GLB1: variants seen among roughly 807,000 people sequenced by gnomAD.
The protein encoded by GLB1 is beta-galactosidase.
In GLB1, 56 loss-of-function variants were observed where a neutral mutation model predicts 74.0. The ratio of observed to expected loss-of-function variants is 0.76; its 90% confidence interval spans 0.61 to 0.94. The LOEUF (loss-of-function observed/expected upper bound fraction) is 0.94. Among genes scored for constraint, GLB1 ranks in the 40% least tolerant of loss-of-function variants. The pLI, the probability that GLB1 is intolerant of heterozygous loss-of-function variation, is 0.00. For missense variants in GLB1, 787 were observed against 845.5 expected, an observed-to-expected ratio of 0.93 and a Z score of 0.86; for synonymous variants, 323 against 323.6, an observed-to-expected ratio of 1.00 and a Z score of 0.02.
chr3:32,978,659 T>C, the GLB1 span, among the ~76,000 whole-genome samples: 2 of 151,872 alleles, frequency 1.3e-5, no homozygotes, highest in African/African-American at 4.8e-5. Flanking sequence ...ATGTGATAGA[T>C]CTGAGATGGT....
intron 15 of GLB1, among the ~76,000 whole-genome samples, chr3:33,009,168 G>GT (rs1427284839): frequency 8.3e-6 from 1 of 119,772 alleles, no homozygotes; most frequent in Non-Finnish European, 1.8e-5. Flanking sequence ...AAAGATTGTG[G>GT]TAAGGCCTAG....
chr3:33,091,635 A>G (rs1255272500), intron 1 of GLB1: 1 of 984,134 alleles, frequency 1.0e-6, no homozygotes, highest in East Asian at 1.1e-4. Context: ...ATCTTGAGGT[A>G]GATACGATAA....
chr3:33,039,887 C>A (rs1698432525), intron 10 of GLB1, among the ~76,000 whole-genome samples: 3 of 152,064 alleles, frequency 2.0e-5, no homozygotes, highest in Admixed American at 2.0e-4. Context: ...GAAAAAAAGA[C>A]CTATACCATC....
At chr3:32,999,517 C>A (rs540398248) in intron 15 of GLB1, among the ~76,000 whole-genome samples, 1 of 152,294 alleles carries the variant, frequency 6.6e-6, no homozygotes, top group Admixed American at 6.5e-5. Flanking sequence ...ATTTCATAAG[C>A]ATCCAAGAGA....
chr3:33,077,480 G>T (rs1351724884), intron 1 of GLB1: 3 of 709,138 alleles, frequency 4.2e-6, no homozygotes, highest in African/African-American at 1.8e-5. Flanking sequence ...GCAGTCAGGG[G>T]GTGTCTACTA....
the GLB1 span, among the ~76,000 whole-genome samples, chr3:32,990,866 C>T: frequency 1.2e-4 from 19 of 152,066 alleles, 1 homozygote; most frequent in African/African-American, 2.7e-4. Flanking sequence ...CCCAGCTACT[C>T]GGGAGGCTGA....
rs36181668 is a variant in GLB1, at chr3:33,064,776, C to CAAAAAAAAAAAA, written c.552+675_552+686dup. ...TGGGCAACGGAATGAGACTCTCTCTCAAAAAAAAAAAAAAAAAAAAAAGAG... is the reference window on the plus strand; with the variant it reads ...TGGGCAACGGAATGAGACTCTCTCTCAAAAAAAAAAAAAAAAAAAAAAAAAAAAAAAAAAGAG... On this transcript the variant is annotated intron_variant, in intron 5 of 15. Coordinates refer to ENST00000307363, the MANE Select transcript of GLB1 (RefSeq NM_000404.4). Among the ~76,000 whole-genome samples the CAAAAAAAAAAAA allele has an allele frequency of 2.2e-4, 14 of 64,548 alleles. 2 individuals are homozygous for CAAAAAAAAAAAA. The highest frequency in any genetic ancestry group is 3.3e-4 in the Non-Finnish European group (12 of 36,776). The allele number at this position is 64,548 out of a possible 152,430, so 42.3% of individuals were successfully genotyped here.
rs77988381 is a variant in GLB1 at position 33,097,055 on chromosome 3, G to C, written c.31C>G (p.Leu11Val). The change falls in exon 1 of 16, where the codon CTG becomes GTG. Residue 11 changes from leucine (L) to valine (V), a missense_variant. By Grantham distance (32) the Leu-to-Val change is conservative. Coordinates refer to ENST00000307363, the MANE Select transcript of GLB1 (RefSeq NM_000404.4). ...CCCAGAAGCAGCAGAACCAGCAACA[G>C]AGGGAGGATGCGAACCAGGAACCCC... MPGFLVRILP[L>V]LLVLLLLGPT... The C allele has an allele frequency of 2.4e-4, 391 of 1,612,036 alleles. 2 individuals carry two copies. In the African/African-American group the frequency reaches 4.8e-3, roughly 20 times the overall value.
intron 1 of GLB1, among the ~76,000 whole-genome samples, chr3:33,074,411 T>A (rs556176269): frequency 7.0e-4 from 32 of 45,862 alleles, no homozygotes; most frequent in Non-Finnish European, 1.1e-3. Context: ...AAAGAAAGAA[T>A]ATTACACATA....
At chr3:32,962,812 T>C in the GLB1 span, among the ~76,000 whole-genome samples, 1 of 151,862 alleles carries the variant, frequency 6.6e-6, no homozygotes, top group Non-Finnish European at 1.5e-5. Context: ...ATTCCAGCAC[T>C]AGGCCAGAAA....
At chr3:33,059,846 A>G (rs1378977351) in intron 5 of GLB1, among the ~76,000 whole-genome samples, 4 of 152,376 alleles carry the variant, frequency 2.6e-5, no homozygotes, top group South Asian at 4.1e-4. Context: ...TAACATGCAC[A>G]TAATACAAAA....
intron 3 of GLB1, 151 bp downstream of exon 3, chr3:33,068,669 G>A (rs1699782836): frequency 6.9e-7 from 1 of 1,455,616 alleles, no homozygotes; most frequent in Non-Finnish European, 9.3e-7. Flanking sequence ...TCTCTGCCTG[G>A]GCACCTTGTC....
At chr3:33,049,232 C>G (rs1339334257) in intron 9 of GLB1, among the ~76,000 whole-genome samples, 2 of 152,148 alleles carry the variant, frequency 1.3e-5, no homozygotes, top group African/African-American at 4.8e-5. Flanking sequence ...TCAACTGTTT[C>G]TCATAAGATG....
intron 1 of GLB1, chr3:33,091,921 C>T: frequency 1.0e-6 from 1 of 985,466 alleles, no homozygotes; most frequent in Non-Finnish European, 1.2e-6. Context: ...AAAAGCACCG[C>T]TTTTACTGGG....
chr3:33,083,136 G>A (rs1160845146), intron 1 of GLB1, among the ~76,000 whole-genome samples: 3 of 152,088 alleles, frequency 2.0e-5, no homozygotes, highest in East Asian at 1.9e-4. Context: ...AGTGGCTCAC[G>A]CCTGTAATCC....
chr3:33,045,441 T>C (rs1199856077), intron 10 of GLB1: 1 of 985,266 alleles, frequency 1.0e-6, no homozygotes, highest in African/African-American at 1.7e-5. Context: ...GTTCAAAATC[T>C]GGTGTTCCTC....
At chr3:32,968,903 T>A in the GLB1 span, among the ~76,000 whole-genome samples, 2 of 152,250 alleles carry the variant, frequency 1.3e-5, no homozygotes, top group African/African-American at 4.8e-5. Context: ...GGCACTTGGA[T>A]GGCCTCCTTG....
chr3:32,977,855 T>C, the GLB1 span, among the ~76,000 whole-genome samples: 1 of 152,208 alleles, frequency 6.6e-6, no homozygotes, highest in African/African-American at 2.4e-5. Flanking sequence ...GTTTACTATC[T>C]GTTCTATTCA....
In GLB1 at chr3:33,072,053, T is replaced by C. The variant is rs547648701; in HGVS notation, c.245+491A>G. ...TCAGATAAAACTTACATATCTGTTA[T>C]GCTTTTCTCCTGTTAACCTAGCTTT... On this transcript the variant is annotated intron_variant, in intron 2 of 15. Coordinates refer to ENST00000307363, the MANE Select transcript of GLB1 (RefSeq NM_000404.4). Among the ~76,000 whole-genome samples, 18 of 152,370 alleles carry C rather than the reference T, an allele frequency of 1.2e-4. No homozygotes were observed. The South Asian group carries it at 3.5e-3, about 30-fold the overall frequency.
Sources: allele counts gnomAD v4.1 joint callset (sites outside exome capture counted in the v4.1 genomes callset), GRCh38; gene constraint gnomAD v4.1.1; transcripts MANE v1.5; gene names NCBI Gene and HGNC (gene_info 2026-07-23, HGNC 2026-07-21).